Variants in GCSH observed in about 807,000 individuals in gnomAD.
The protein encoded by GCSH is glycine cleavage system H protein, mitochondrial.
In GCSH, 15 loss-of-function variants were observed where a neutral mutation model predicts 21.3. The observed-to-expected ratio is 0.70, with a 90% confidence interval of 0.47 to 1.08. The LOEUF is 1.08. Ranked by LOEUF, GCSH falls within the 50% of genes least tolerant of loss-of-function variation. The pLI, the probability that GCSH is intolerant of heterozygous loss-of-function variation, is 0.00. For missense variants in GCSH, 179 were observed against 217.5 expected, an observed-to-expected ratio of 0.82 and a Z score of 1.11; for synonymous variants, 59 against 84.5, an observed-to-expected ratio of 0.70 and a Z score of 1.66.
At chr16:81,093,057 G>T (rs9922910) in intron 1 of GCSH, among the ~76,000 whole-genome samples, 121,030 of 151,064 alleles carry the variant, frequency 0.8, 50,014 homozygotes, top group Non-Finnish European at 0.91. Flanking sequence ...ACTTGAACCT[G>T]GGAGGCGGAG....
At chr16:81,083,767 C>G (rs1479042153) in intron 4 of GCSH, 1 of 152,376 alleles carries the variant, frequency 6.6e-6, no homozygotes, top group Non-Finnish European at 1.5e-5. Flanking sequence ...TTGCTGTTAG[C>G]TTACCTGATT....
chr16:81,086,905 G>GTA, intron 3 of GCSH, among the ~76,000 whole-genome samples: 1 of 148,300 alleles, frequency 6.7e-6, no homozygotes, highest in Non-Finnish European at 1.5e-5. Context: ...TTATTTAAGT[G>GTA]TATACATTTG....
chr16:81,083,050 T>A, intron 4 of GCSH, 87 bp from the exon 5 acceptor site: 1 of 836,776 alleles, frequency 1.2e-6, no homozygotes, highest in Non-Finnish European at 2.1e-6. Context: ...TCTGAGCGCC[T>A]CAATCTTGTA....
rs776206918 is a variant in GCSH, at chr16:81,082,627, T to A, written c.*239A>T. ...TTACCATGGATAATTTCATGAATTC[T>A]GAACACTAGAGCCTAGTCTAAAAAT... On this transcript the variant is annotated 3_prime_UTR_variant, in exon 5 of 5. Transcript: ENST00000315467. 2.5e-5 allele frequency: 10 copies of A among 400,166 alleles called. No individual in the cohort carries two copies. Among genetic ancestry groups the A allele is most frequent in the South Asian group, 2.3e-4 (10 of 44,156 alleles). The allele number at this position is 400,166 out of a possible 1,614,324, so 24.8% of individuals were successfully genotyped here. A position where few individuals can be genotyped will look rare whatever the true frequency, so the allele number is the denominator to read the frequency against.
chr16:81,091,821 A>G (rs1482082171), intron 1 of GCSH, among the ~76,000 whole-genome samples: 2 of 151,876 alleles, frequency 1.3e-5, no homozygotes, highest in Admixed American at 6.6e-5. Flanking sequence ...GGGGGGGTCT[A>G]TGTTGTCCAG....
intron 1 of GCSH, 56 bp from the exon 2 acceptor site, chr16:81,090,736 C>T: frequency 1.7e-6 from 2 of 1,193,366 alleles, no homozygotes; most frequent in Non-Finnish European, 1.3e-6. Flanking sequence ...TTAAGAAGCA[C>T]TTTTCATTAC....
rs1263284594 is a variant in GCSH at position 81,082,533 on chromosome 16, T to C, written c.*333A>G. ...AAATCCAGGTATGGATACATGCAAG[T>C]TACAATATTATATAAGGCTTAAGAA... is the stretch of plus-strand genomic sequence containing the variant. On this transcript the variant is annotated 3_prime_UTR_variant, in exon 5 of 5. Coordinates refer to ENST00000315467, the MANE Select transcript of GCSH (RefSeq NM_004483.5). 1 of 352,484 alleles carries C rather than the reference T, an allele frequency of 2.8e-6. No individual in the cohort carries two copies. Among genetic ancestry groups the C allele is most frequent in the African/African-American group, 2.4e-5 (1 of 41,200 alleles). The allele number at this position is 352,484 out of a possible 1,614,324, so 21.8% of individuals were successfully genotyped here. A position where few individuals can be genotyped will look rare whatever the true frequency, so the allele number is the denominator to read the frequency against.
intron 1 of GCSH, among the ~76,000 whole-genome samples, chr16:81,095,752 C>A (rs994617868): frequency 6.6e-6 from 1 of 152,164 alleles, no homozygotes; most frequent in Non-Finnish European, 1.5e-5. Context: ...CATTTGGGGT[C>A]TCAACGATGC....
At chr16:81,083,960 C>A in intron 4 of GCSH, 1 of 158,630 alleles carries the variant, frequency 6.3e-6, no homozygotes, top group Non-Finnish European at 1.4e-5. Flanking sequence ...TAAGGTAATG[C>A]TTTTATCATC....
chr16:81,082,994 A>G, intron 4 of GCSH, 31 bp from the exon 5 acceptor site: 1 of 1,344,170 alleles, frequency 7.4e-7, no homozygotes, highest in Non-Finnish European at 1.1e-6. Flanking sequence ...TATATTCCAC[A>G]TTAACTTTTT....
At chr16:81,094,056 G>A (rs1014375057) in intron 1 of GCSH, among the ~76,000 whole-genome samples, 8 of 151,796 alleles carry the variant, frequency 5.3e-5, no homozygotes, top group African/African-American at 9.7e-5. Flanking sequence ...GTGCCACCAC[G>A]CCCGACTAAT....
intron 4 of GCSH, chr16:81,083,654 C>CA (rs1415350053): frequency 6.6e-6 from 1 of 152,670 alleles, no homozygotes; most frequent in Non-Finnish European, 1.5e-5. Flanking sequence ...AGGTGACAGA[C>CA]AAAAGAGAAC....
intron 2 of GCSH, among the ~76,000 whole-genome samples, chr16:81,088,161 T>C (rs1268326169): frequency 1.3e-5 from 2 of 152,202 alleles, no homozygotes; most frequent in African/African-American, 2.4e-5. Flanking sequence ...CGGTGGCTCA[T>C]GCCTGTAATC....
intron 1 of GCSH, among the ~76,000 whole-genome samples, chr16:81,094,660 T>C (rs910217031): frequency 3.3e-5 from 5 of 152,196 alleles, no homozygotes; most frequent in African/African-American, 1.2e-4. Context: ...AGTAAATCTT[T>C]ATGCTACAAA....
chr16:81,095,442 G>T (rs567245270), intron 1 of GCSH, among the ~76,000 whole-genome samples: 4 of 149,672 alleles, frequency 2.7e-5, no homozygotes, highest in Non-Finnish European at 5.9e-5. Flanking sequence ...GAGTGCAGTG[G>T]CGCGATCTCG....
chr16:81,095,956 G>A (rs910898705), intron 1 of GCSH, among the ~76,000 whole-genome samples, 175 bp downstream of exon 1: 5 of 152,180 alleles, frequency 3.3e-5, no homozygotes, highest in African/African-American at 1.2e-4. Flanking sequence ...ACTTAAGGGG[G>A]AGAAGCGGCC....
chr16:81,089,557 G>T (rs1972355098), intron 2 of GCSH, among the ~76,000 whole-genome samples: 1 of 151,428 alleles, frequency 6.6e-6, no homozygotes, highest in Non-Finnish European at 1.5e-5. Flanking sequence ...TACCATCTAG[G>T]TGTGTGTAAG....
At chr16:81,084,429 G>C in intron 4 of GCSH, 34 bp downstream of exon 4, 1 of 1,526,962 alleles carries the variant, frequency 6.5e-7, no homozygotes, top group Non-Finnish European at 9.1e-7. Flanking sequence ...TACTGTAGTA[G>C]TAATTCCTTG....
rs140394659 is a variant in GCSH at position 81,087,195 on chromosome 16, G to T, written c.292+406C>A. On this transcript the variant is annotated intron_variant, in intron 3 of 4. Coordinates refer to ENST00000315467, the MANE Select transcript of GCSH (RefSeq NM_004483.5). ...ATTCTCCTGTCTCAGCCTCTGAGTA[G>T]CAATTACTTTTACACCAACCTAATA... 2.4e-3 allele frequency among the ~76,000 whole-genome samples: 358 copies of T among 152,066 alleles called. 2 individuals carry two copies. The highest frequency in any genetic ancestry group is 8.2e-3 in the African/African-American group (342 of 41,484).
Sources: gnomAD v4.1 joint callset for allele counts (sites outside exome capture counted in the v4.1 genomes callset) on GRCh38, gnomAD v4.1.1 for gene constraint, MANE v1.5 for transcripts, NCBI Gene and HGNC (gene_info 2026-07-23, HGNC 2026-07-21) for gene names.